The following SCLT1 variants were observed in gnomAD, a reference collection of about 807,000 sequenced individuals.
SCLT1 encodes the protein sodium channel-associated protein 1.
In SCLT1, 78 loss-of-function variants were observed where a neutral mutation model predicts 112.8. The ratio of observed to expected loss-of-function variants is 0.69; its 90% confidence interval spans 0.58 to 0.83. The LOEUF (loss-of-function observed/expected upper bound fraction) is 0.83, where lower values mean the gene tolerates loss of function less well. Ranked by LOEUF, SCLT1 falls within the 40% of genes least tolerant of loss-of-function variation. SCLT1 has a pLI of 0.00. For missense variants in SCLT1, 747 were observed against 770.4 expected (o/e 0.97, Z 0.36); for synonymous variants, 257 against 254.7 (o/e 1.01, Z -0.09).
rs113232123 is a variant in SCLT1, at chr4:128,948,034, G to A, written c.1293+462C>T. On this transcript the variant is annotated intron_variant, in intron 15 of 20. Coordinates refer to ENST00000281142, the MANE Select transcript of SCLT1 (RefSeq NM_144643.4). ...AAAGAATACAGCCGCCCTTGGAAAA[G>A]AATTGTATCCAGGCAACATCAGTAT... Among the ~76,000 whole-genome samples, 871 of 152,170 alleles carry A rather than the reference G, an allele frequency of 5.7e-3. 15 individuals carry two copies. The highest frequency in any genetic ancestry group is 0.02 in the African/African-American group (821 of 41,522).
chr4:128,916,984 G>A (rs1735528509), intron 18 of SCLT1, among the ~76,000 whole-genome samples: 1 of 152,018 alleles, frequency 6.6e-6, no homozygotes, highest in Non-Finnish European at 1.5e-5. Flanking sequence ...ATCACTCTAG[G>A]GCCAGGAACC....
intron 5 of SCLT1, among the ~76,000 whole-genome samples, chr4:129,026,311 C>T (rs1405562460): frequency 1.3e-5 from 2 of 152,120 alleles, no homozygotes; most frequent in Non-Finnish European, 2.9e-5. Flanking sequence ...TAAAGCTCTC[C>T]TCAGCAAATG....
intron 18 of SCLT1, among the ~76,000 whole-genome samples, chr4:128,914,835 CACAA>C (rs1463054235): frequency 2.6e-5 from 4 of 152,120 alleles, no homozygotes; most frequent in East Asian, 1.9e-4. Context: ...AAAAAGCCCA[CACAA>C]ACAAATAATT....
intron 18 of SCLT1, among the ~76,000 whole-genome samples, chr4:128,892,402 AT>A (rs1292717406): frequency 6.6e-6 from 1 of 152,204 alleles, no homozygotes; most frequent in Non-Finnish European, 1.5e-5. Flanking sequence ...TAGAGAATTA[AT>A]TTGGATTTGG....
At chr4:128,877,401 G>A (rs923468409) in intron 3 of SCLT1, among the ~76,000 whole-genome samples, 1 of 152,176 alleles carries the variant, frequency 6.6e-6, no homozygotes, top group Admixed American at 6.5e-5. Flanking sequence ...TTCACACATG[G>A]CCGGGTGCAG....
chr4:128,891,622 G>A (rs926108312), intron 18 of SCLT1, among the ~76,000 whole-genome samples: 7 of 149,404 alleles, frequency 4.7e-5, no homozygotes, highest in Non-Finnish European at 7.4e-5. Context: ...GTAAGCTACT[G>A]TGCTTCTTAG....
At chr4:128,946,488 T>C (rs1298699948) in intron 15 of SCLT1, among the ~76,000 whole-genome samples, 2 of 152,160 alleles carry the variant, frequency 1.3e-5, no homozygotes, top group Non-Finnish European at 2.9e-5. Context: ...AGGAGGATCC[T>C]TGAGCCCAGG....
At chr4:128,988,318 G>C (rs1279308376) in intron 9 of SCLT1, among the ~76,000 whole-genome samples, 2 of 151,970 alleles carry the variant, frequency 1.3e-5, no homozygotes, top group African/African-American at 4.8e-5. Context: ...TATGTAAATA[G>C]AGACAACAAA....
chr4:128,899,140 T>C (rs562437414), intron 18 of SCLT1, among the ~76,000 whole-genome samples: 10 of 152,156 alleles, frequency 6.6e-5, no homozygotes, highest in Non-Finnish European at 1.2e-4. Flanking sequence ...TCCCAATCAA[T>C]AGAAAAAGAG....
intron 5 of SCLT1, among the ~76,000 whole-genome samples, chr4:129,004,533 G>T (rs780167708): frequency 1.3e-5 from 2 of 151,700 alleles, no homozygotes; most frequent in African/African-American, 2.4e-5. Flanking sequence ...CAACTTAAAA[G>T]AATGATTGTT....
intron 1 of SCLT1, among the ~76,000 whole-genome samples, chr4:129,091,447 C>T (rs1047757483): frequency 6.6e-6 from 1 of 151,904 alleles, no homozygotes; most frequent in Non-Finnish European, 1.5e-5. Flanking sequence ...TCAGTTTTAT[C>T]TAAGAATTCT....
At chr4:129,080,172 T>G (rs1751812677) in intron 2 of SCLT1, among the ~76,000 whole-genome samples, 2 of 152,212 alleles carry the variant, frequency 1.3e-5, no homozygotes, top group African/African-American at 4.8e-5. Flanking sequence ...GCATCTTTAT[T>G]GTCTTGGGCA....
intron 15 of SCLT1, among the ~76,000 whole-genome samples, chr4:128,948,241 C>T (rs559634038): frequency 2.1e-5 from 3 of 145,206 alleles, no homozygotes; most frequent in African/African-American, 7.7e-5. Context: ...GAGGCTGAGG[C>T]AGGAGACTTG....
At chr4:128,958,009 C>G (rs907756605) in intron 12 of SCLT1, among the ~76,000 whole-genome samples, 6 of 152,166 alleles carry the variant, frequency 3.9e-5, no homozygotes, top group African/African-American at 1.4e-4. Context: ...ATCTGTCCTT[C>G]TCTTAGTGGT....
At position 129,046,069 on chromosome 4, in the gene SCLT1, T is replaced by C. The variant is rs1312057930; in HGVS notation, c.103-2018A>G. On this transcript the variant is annotated intron_variant, in intron 2 of 20. Transcript: ENST00000281142. ...TGTTTTTATTCAAGTACTACACACATACAGAAGACAGTACAAATTATAAGT... is the reference window on the plus strand; with the variant it reads ...TGTTTTTATTCAAGTACTACACACACACAGAAGACAGTACAAATTATAAGT... Among the ~76,000 whole-genome samples, 4 of 152,096 alleles carry C rather than the reference T, an allele frequency of 2.6e-5. No homozygotes were observed. The South Asian group carries it at 8.3e-4, about 32-fold the overall frequency.
chr4:128,995,656 C>T (rs1420445993), intron 8 of SCLT1, among the ~76,000 whole-genome samples: 1 of 152,102 alleles, frequency 6.6e-6, no homozygotes, highest in Non-Finnish European at 1.5e-5. Flanking sequence ...CAGGGAGATG[C>T]TGGCAGCTGT....
At chr4:128,955,706 T>C (rs1739163871) in intron 13 of SCLT1, among the ~76,000 whole-genome samples, 1 of 152,232 alleles carries the variant, frequency 6.6e-6, no homozygotes, top group African/African-American at 2.4e-5. Context: ...ATTAAACTTG[T>C]AATTTTAATT....
chr4:129,010,598 T>C (rs1387656983), intron 5 of SCLT1, among the ~76,000 whole-genome samples: 1 of 152,180 alleles, frequency 6.6e-6, no homozygotes, highest in Non-Finnish European at 1.5e-5. Context: ...CTTTGAGCAG[T>C]ATTTTGTGCT....
In SCLT1 at chr4:128,975,707, A is replaced by C. The variant is rs570623738; in HGVS notation, c.687-5239T>G. Among the ~76,000 whole-genome samples, 127 of 152,302 alleles carry C rather than the reference A, an allele frequency of 8.3e-4. 1 individual carries two copies. The highest frequency in any genetic ancestry group is 1.8e-3 in the Admixed American group (27 of 15,298). On this transcript the variant is annotated intron_variant, in intron 9 of 20. Coordinates refer to ENST00000281142, the MANE Select transcript of SCLT1 (RefSeq NM_144643.4). ...TAGGTAATTTAATAAGGACTTTTGT[A>C]ATTACCCAGTATAATAAAGCCAATC...
Sources: allele counts gnomAD v4.1 joint callset (sites outside exome capture counted in the v4.1 genomes callset), GRCh38; gene constraint gnomAD v4.1.1; transcripts MANE v1.5; gene names NCBI Gene and HGNC (gene_info 2026-07-23, HGNC 2026-07-21).